The following SCHIP1 variants were observed in gnomAD, a reference collection of about 807,000 sequenced individuals.
The protein encoded by SCHIP1 is schwannomin interacting protein 1, also known as schwannomin-interacting protein 1.
A neutral mutation model predicts 29.7 loss-of-function variants in SCHIP1; 8 were observed. The observed-to-expected ratio is 0.27, with a 90% CI of 0.16 to 0.49. The LOEUF is 0.49. Ranked by LOEUF, SCHIP1 falls within the 20% of genes least tolerant of loss-of-function variation. The pLI is 0.99. For synonymous variants in SCHIP1, 76 were observed against 94.9 expected (o/e 0.80, Z 1.16); for missense variants, 193 against 294.6 (o/e 0.66, Z 2.52).
At chr3:159,424,918 A>G in the SCHIP1 span, among the ~76,000 whole-genome samples, 2 of 152,228 alleles carry the variant, frequency 1.3e-5, no homozygotes, top group Admixed American at 1.3e-4. Flanking sequence ...TTTTCAAGCC[A>G]GAATTTCATA....
At chr3:159,877,435 T>G (rs1715941821) in intron 2 of SCHIP1, among the ~76,000 whole-genome samples, 1 of 152,232 alleles carries the variant, frequency 6.6e-6, no homozygotes. Flanking sequence ...TGCATTCTTT[T>G]TCACGACTGC....
At chr3:159,388,335 C>T in the SCHIP1 span, among the ~76,000 whole-genome samples, 1 of 151,738 alleles carries the variant, frequency 6.6e-6, no homozygotes, top group Admixed American at 6.6e-5. Context: ...TAACAATAAG[C>T]CAGAAATTTA....
At chr3:159,385,080 G>T in the SCHIP1 span, among the ~76,000 whole-genome samples, 1 of 152,088 alleles carries the variant, frequency 6.6e-6, no homozygotes, top group Admixed American at 6.6e-5. Flanking sequence ...GCCGGGAATT[G>T]TAATCTTTTT....
chr3:159,290,227 G>T, the SCHIP1 span, among the ~76,000 whole-genome samples: 1 of 152,114 alleles, frequency 6.6e-6, no homozygotes, highest in African/African-American at 2.4e-5. Context: ...AGTGATCTTT[G>T]GGATGTATTA....
the SCHIP1 span, among the ~76,000 whole-genome samples, chr3:159,512,426 C>A: frequency 6.6e-6 from 1 of 152,148 alleles, no homozygotes; most frequent in South Asian, 2.1e-4. Flanking sequence ...CATAGCCCAG[C>A]AATTTGGTCA....
the SCHIP1 span, among the ~76,000 whole-genome samples, chr3:159,591,485 A>G: frequency 6.6e-6 from 1 of 152,230 alleles, no homozygotes; most frequent in Non-Finnish European, 1.5e-5. Flanking sequence ...TTATTGCAGC[A>G]CTATTTACAA....
chr3:159,846,450 A>G (rs1711850812), intron 1 of SCHIP1, among the ~76,000 whole-genome samples: 1 of 152,212 alleles, frequency 6.6e-6, no homozygotes, highest in East Asian at 1.9e-4. Flanking sequence ...AAAGGAAAGC[A>G]AATATATTCT....
In SCHIP1 at chr3:159,884,353, G is replaced by GTC. The variant is rs1553799557; in HGVS notation, c.150-1853_150-1852insCT. Reference sequence around the variant, plus strand: ...AATATATATGTGTGTCTGTGTCTGTGTGTGTGTGTGTGTGTGTGTGTGTGT... The same window carrying GTC: ...AATATATATGTGTGTCTGTGTCTGTGTCTGTGTGTGTGTGTGTGTGTGTGTGT... On this transcript the variant is annotated intron_variant, in intron 2 of 6. Transcript: ENST00000445224. Among the ~76,000 whole-genome samples the GTC allele has an allele frequency of 6.3e-5, 9 of 143,524 alleles. No homozygotes were observed. In the South Asian group the frequency reaches 6.6e-4, roughly 10 times the overall value. The allele number at this position is 143,524 out of a possible 152,430, so 94.2% of individuals were successfully genotyped here.
At chr3:159,623,616 A>C in the SCHIP1 span, among the ~76,000 whole-genome samples, 4 of 151,976 alleles carry the variant, frequency 2.6e-5, no homozygotes, top group African/African-American at 4.8e-5. Context: ...ACAGAGTGAG[A>C]CTCCATCTCT....
chr3:159,804,996 C>T, the SCHIP1 span, among the ~76,000 whole-genome samples: 1 of 152,264 alleles, frequency 6.6e-6, no homozygotes, highest in South Asian at 2.1e-4. Context: ...GAACTATTTT[C>T]CCAGTCATCC....
the SCHIP1 span, among the ~76,000 whole-genome samples, chr3:159,565,797 AATG>A: frequency 6.6e-6 from 1 of 152,168 alleles, no homozygotes; most frequent in South Asian, 2.1e-4. Context: ...TTTTAGATAA[AATG>A]ATATTATATT....
the SCHIP1 span, among the ~76,000 whole-genome samples, chr3:159,492,941 A>T: frequency 6.6e-6 from 1 of 152,248 alleles, no homozygotes. Flanking sequence ...ATGGGGGACC[A>T]ATAGTCAATA....
chr3:159,331,158 G>A, the SCHIP1 span, among the ~76,000 whole-genome samples: 4 of 152,102 alleles, frequency 2.6e-5, no homozygotes, highest in Non-Finnish European at 4.4e-5. Context: ...GGAGTTCGTC[G>A]TGAGGCAGAT....
chr3:159,331,692 T>C, the SCHIP1 span, among the ~76,000 whole-genome samples: 3 of 152,144 alleles, frequency 2.0e-5, no homozygotes, highest in Non-Finnish European at 4.4e-5. Context: ...CTTTTTTCTC[T>C]CACCACACTG....
chr3:159,433,660 C>A, the SCHIP1 span, among the ~76,000 whole-genome samples: 2 of 152,118 alleles, frequency 1.3e-5, no homozygotes, highest in Non-Finnish European at 2.9e-5. Context: ...TTAATTTCCT[C>A]CTTCTCTATC....
the SCHIP1 span, among the ~76,000 whole-genome samples, chr3:159,494,475 C>T: frequency 1.6e-4 from 24 of 152,268 alleles, no homozygotes; most frequent in Non-Finnish European, 2.4e-4. Context: ...ACTATAAACA[C>T]CTCTACGCAA....
intron 1 of SCHIP1, among the ~76,000 whole-genome samples, chr3:159,863,603 CAT>C (rs1714290984): frequency 6.6e-6 from 1 of 152,092 alleles, no homozygotes; most frequent in South Asian, 2.1e-4. Flanking sequence ...ATAATGCACA[CAT>C]ATGATAAAAA....
chr3:159,550,126 A>T, the SCHIP1 span, among the ~76,000 whole-genome samples: 2 of 104,642 alleles, frequency 1.9e-5, no homozygotes, highest in South Asian at 9.3e-4. Flanking sequence ...TATCTTAATT[A>T]TCTTTCTTTT....
the SCHIP1 span, among the ~76,000 whole-genome samples, chr3:159,435,860 G>T: frequency 6.6e-6 from 1 of 152,046 alleles, no homozygotes; most frequent in Non-Finnish European, 1.5e-5. Context: ...AGGGAAGGTA[G>T]GTGGGTAATA....
Sources: allele counts gnomAD v4.1 joint callset (sites outside exome capture counted in the v4.1 genomes callset), GRCh38; gene constraint gnomAD v4.1.1; transcripts MANE v1.5; gene names NCBI Gene and HGNC (gene_info 2026-07-23, HGNC 2026-07-21).